KANSL1: variants seen among roughly 807,000 people sequenced by gnomAD.
KANSL1 encodes KAT8 regulatory NSL complex subunit 1, also known as MLL1/MLL complex subunit KANSL1.
In KANSL1, 22 loss-of-function variants were observed where a neutral mutation model predicts 103.6. The observed-to-expected ratio is 0.21, with a 90% CI of 0.15 to 0.30. KANSL1 has a LOEUF of 0.30. Ranked by LOEUF, KANSL1 falls within the 10% of genes least tolerant of loss-of-function variation. The pLI is 1.00. For missense variants in KANSL1, 1,337 were observed against 1,399.8 expected (o/e 0.96, Z 0.72); for synonymous variants, 600 against 527.6 (o/e 1.14, Z -1.88).
intron 1 of KANSL1, among the ~76,000 whole-genome samples, chr17:46,206,709 G>A (rs1251336716): frequency 6.6e-6 from 1 of 152,190 alleles, no homozygotes; most frequent in Non-Finnish European, 1.5e-5. Flanking sequence ...AGACCTAAAT[G>A]TAACAGCTAA....
intron 2 of KANSL1, among the ~76,000 whole-genome samples, chr17:46,117,126 G>A (rs571162762): frequency 6.6e-6 from 1 of 152,210 alleles, no homozygotes; most frequent in Non-Finnish European, 1.5e-5. Context: ...GACCACTTTG[G>A]TCAACAGAAT....
At chr17:46,140,569 C>T (rs115923046) in intron 2 of KANSL1, among the ~76,000 whole-genome samples, 1,570 of 151,558 alleles carry the variant, frequency 0.01, 24 homozygotes, top group African/African-American at 0.034. Flanking sequence ...AAATTTAAAA[C>T]TTCTGTAAAT....
chr17:46,105,777 G>A (rs1312345349), intron 2 of KANSL1, among the ~76,000 whole-genome samples: 1 of 151,998 alleles, frequency 6.6e-6, no homozygotes, highest in Non-Finnish European at 1.5e-5. Context: ...AGGCTGAGGA[G>A]GGAGGATCGC....
chr17:46,105,906 G>GAGAC (rs778730504), intron 2 of KANSL1, among the ~76,000 whole-genome samples: 84 of 95,248 alleles, frequency 8.8e-4, no homozygotes, highest in African/African-American at 3.6e-3. Flanking sequence ...GCAAGGCCTT[G>GAGAC]ACACACACAC....
intron 6 of KANSL1, among the ~76,000 whole-genome samples, chr17:46,051,008 C>G (rs900206834): frequency 5.3e-5 from 8 of 152,192 alleles, no homozygotes; most frequent in Admixed American, 5.2e-4. Context: ...TAAAAAGATA[C>G]TAAAACTGTG....
intron 2 of KANSL1, among the ~76,000 whole-genome samples, chr17:46,111,877 C>T (rs920314047): frequency 1.3e-5 from 2 of 152,248 alleles, no homozygotes; most frequent in East Asian, 3.9e-4. Flanking sequence ...AAAGCAGAAA[C>T]CAGAAAAGTT....
chr17:46,086,030 T>C (rs1229822312), intron 3 of KANSL1, among the ~76,000 whole-genome samples: 2 of 152,212 alleles, frequency 1.3e-5, no homozygotes, highest in Non-Finnish European at 2.9e-5. Context: ...AGAAAATAAA[T>C]GCATAGCAAA....
intron 2 of KANSL1, among the ~76,000 whole-genome samples, chr17:46,125,970 C>T (rs1198366864): frequency 6.6e-6 from 1 of 152,150 alleles, no homozygotes; most frequent in African/African-American, 2.4e-5. Context: ...ATTGTTATTT[C>T]AACACTATTA....
rs188523650 is a variant in KANSL1 at position 46,220,279 on chromosome 17, C to T, written c.-90+3392G>A. Among the ~76,000 whole-genome samples, 1,026 of 151,006 alleles carry T rather than the reference C, an allele frequency of 6.8e-3. 1 individual carries two copies. The highest frequency in any genetic ancestry group is 0.011 in the Admixed American group (161 of 15,176). On this transcript the variant is annotated intron_variant, in intron 1 of 14. Coordinates refer to the KANSL1 transcript ENST00000572904. ...TCGCCCAGACTGGAGTGCAGTGGCA[C>T]GATCTCGGCTCACTGTAAACTCCGC... is the stretch of plus-strand genomic sequence containing the variant.
chr17:46,089,626 A>AAAATACG (rs146895044), intron 3 of KANSL1, among the ~76,000 whole-genome samples: 4 of 151,010 alleles, frequency 2.6e-5, no homozygotes, highest in Non-Finnish European at 5.9e-5. Flanking sequence ...TGCAGCATGG[A>AAAATACG]AAATATGAAC....
At chr17:46,038,464 C>G in intron 10 of KANSL1, 74 bp downstream of exon 10, 1 of 1,535,512 alleles carries the variant, frequency 6.5e-7, no homozygotes, top group Non-Finnish European at 8.9e-7. Context: ...CACCCTCACA[C>G]TGTCCTCTGG....
chr17:46,201,492 A>G (rs1472063463), intron 1 of KANSL1, among the ~76,000 whole-genome samples: 1 of 152,224 alleles, frequency 6.6e-6, no homozygotes, highest in African/African-American at 2.4e-5. Flanking sequence ...TCAAATGGAA[A>G]ATTCCACACG....
At chr17:46,120,217 T>A (rs2043219665) in intron 2 of KANSL1, among the ~76,000 whole-genome samples, 1 of 152,182 alleles carries the variant, frequency 6.6e-6, no homozygotes, top group African/African-American at 2.4e-5. Context: ...TAAAAAAGAA[T>A]CTTAAACTGT....
chr17:46,110,295 GAATT>G (rs1457198785), intron 2 of KANSL1, among the ~76,000 whole-genome samples: 1 of 152,182 alleles, frequency 6.6e-6, no homozygotes, highest in Non-Finnish European at 1.5e-5. Flanking sequence ...TTCCTCATGA[GAATT>G]AAGTAACAGA....
intron 1 of KANSL1, among the ~76,000 whole-genome samples, chr17:46,207,509 CAAA>C (rs1306453312): frequency 3.5e-5 from 4 of 113,780 alleles, no homozygotes; most frequent in Admixed American, 9.0e-5. Context: ...ACTCCATCTC[CAAA>C]AAAAAAAAAA....
intron 1 of KANSL1, among the ~76,000 whole-genome samples, chr17:46,211,935 G>A (rs957350490): frequency 6.6e-6 from 1 of 152,178 alleles, no homozygotes; most frequent in African/African-American, 2.4e-5. Context: ...AATTTCTGAG[G>A]TTAACATCTT....
At chr17:46,133,567 A>G (rs7207582) in intron 2 of KANSL1, among the ~76,000 whole-genome samples, 34,450 of 151,956 alleles carry the variant, frequency 0.23, 4,482 homozygotes, top group African/African-American at 0.32. Context: ...CAATCTTCCT[A>G]TTCTCTACTC....
chr17:46,067,532 G>C lies in KANSL1; in HGVS notation c.1652+17C>G. On this transcript the variant is annotated intron_variant, in intron 5 of 14. Coordinates refer to ENST00000432791, the MANE Select transcript of KANSL1 (RefSeq NM_015443.4). ...ACAAGTCTACTAAGTGTAGGAAGTA[G>C]AAGAGCTAAAACTTACGTGTTAATA... 7.1e-7 allele frequency: 1 copy of C among 1,415,358 alleles called. No individual in the cohort carries two copies. Among genetic ancestry groups the C allele is most frequent in the Non-Finnish European group, 1.0e-6 (1 of 999,096 alleles). The allele number at this position is 1,415,358 out of a possible 1,614,324, so 87.7% of individuals were successfully genotyped here. A position where few individuals can be genotyped will look rare whatever the true frequency, so the allele number is the denominator to read the frequency against.
At chr17:46,056,792 C>T (rs2077947689) in intron 6 of KANSL1, among the ~76,000 whole-genome samples, 1 of 152,214 alleles carries the variant, frequency 6.6e-6, no homozygotes, top group Non-Finnish European at 1.5e-5. Flanking sequence ...TAAAACATTA[C>T]ACAAATGTTA....
Sources: allele counts gnomAD v4.1 joint callset (sites outside exome capture counted in the v4.1 genomes callset), GRCh38; gene constraint gnomAD v4.1.1; transcripts MANE v1.5; gene names NCBI Gene and HGNC (gene_info 2026-07-23, HGNC 2026-07-21).